MYF5: variants seen among roughly 807,000 people sequenced by gnomAD.
The protein encoded by MYF5 is myogenic factor 5.
MYF5 carries 20 observed loss-of-function variants against 22.3 expected under a neutral mutation model. The ratio of observed to expected loss-of-function variants is 0.90; its 90% CI spans 0.63 to 1.30. MYF5 has a LOEUF of 1.30. Ranked by LOEUF, MYF5 falls within the 50% of genes most tolerant of loss-of-function variation. MYF5 has a pLI of 0.00. For missense variants in MYF5, 348 were observed against 325.9 expected (o/e 1.07, Z -0.52); for synonymous variants, 141 against 128.4 (o/e 1.10, Z -0.66).
At chr12:80,718,838 T>G (rs1423182581) in intron 2 of MYF5, 23 bp from the exon 3 acceptor site, 1 of 1,580,262 alleles carries the variant, frequency 6.3e-7, no homozygotes, top group Non-Finnish European at 8.7e-7. Flanking sequence ...TATTTTTTAA[T>G]GCTTTTCTCC....
At position 80,717,388 on chromosome 12, in the gene MYF5, T is replaced by TTG; in HGVS notation, c.325_326insTG (p.Cys109LeufsTer31). ...CCAGGCTTTCGAAACCCTCAAGAGG[T>TTG]GTACCACGACCAACCCCAACCAGAG... On this transcript the variant is annotated frameshift_variant, in exon 1 of 3. Transcript: ENST00000228644. LOFTEE classifies it high-confidence loss of function. The TTG allele has an allele frequency of 6.2e-7, 1 of 1,613,932 alleles. No homozygotes were observed. The highest frequency in any genetic ancestry group is 8.5e-7 in the Non-Finnish European group (1 of 1,179,968).
chr12:80,717,323 C>A lies in MYF5; in HGVS notation c.260C>A (p.Ala87Glu), dbSNP rs1227600681. Reference sequence around the variant, plus strand: ...TCCACCACCATGGATCGGCGGAAGGCAGCCACTATGCGCGAGCGGAGGCGC... The same window carrying A: ...TCCACCACCATGGATCGGCGGAAGGAAGCCACTATGCGCGAGCGGAGGCGC... The part of the protein sequence containing the change: ...RKSTTMDRRK[A>E]ATMRERRRLK... The change falls in exon 1 of 3, where the codon GCA becomes GAA. Residue 87 changes from alanine to glutamate, a missense_variant. Ala to Glu is a moderately radical substitution (Grantham distance 107, BLOSUM62 -1). Transcript: ENST00000228644. The A allele has an allele frequency of 1.2e-6, 2 of 1,614,164 alleles. No homozygotes were observed. The highest frequency in any genetic ancestry group is 2.7e-5 in the African/African-American group (2 of 75,054).
chr12:80,719,130 C>A lies in MYF5; in HGVS notation c.*79C>A. ...AAGAAGGCTTCAAAAAGTCCCAAAC[C>A]AAGACAACATGTACATAAAGATTTC... On this transcript the variant is annotated 3_prime_UTR_variant, in exon 3 of 3. Transcript: ENST00000228644. 3.4e-6 allele frequency: 4 copies of A among 1,177,728 alleles called. No homozygotes were observed. The highest frequency in any genetic ancestry group is 4.8e-6 in the Non-Finnish European group (4 of 839,798). 73.0% of individuals were successfully genotyped at this position (1,177,728 alleles called of 1,614,324 possible).
In MYF5 at chr12:80,718,344, G is replaced by T. The variant is rs1868657397; in HGVS notation, c.502-14G>T. On this transcript the variant is annotated splice_polypyrimidine_tract_variant and intron_variant, in intron 1 of 2. Transcript: ENST00000228644. ...GACCTGAAAACAAACTTTGTTGTGT[G>T]TCTTGTATTATAGCCCGAATGTAAC... The T allele has an allele frequency of 5.0e-6, 8 of 1,612,724 alleles. No individual in the cohort carries two copies. In the East Asian group the frequency reaches 1.6e-4, roughly 31 times the overall value.
At chr12:80,717,943 C>T (rs1330527710) in intron 1 of MYF5, among the ~76,000 whole-genome samples, 1 of 152,176 alleles carries the variant, frequency 6.6e-6, no homozygotes, top group Non-Finnish European at 1.5e-5. Flanking sequence ...ACCCACACGG[C>T]CCCAGTTCCT....
In MYF5 at chr12:80,717,479, G is replaced by A; in HGVS notation, c.416G>A (p.Arg139Lys). 13 of 1,614,166 alleles carry A rather than the reference G, an allele frequency of 8.1e-6. No individual in the cohort carries two copies. Among genetic ancestry groups the A allele is most frequent in the Non-Finnish European group, 1.1e-5 (13 of 1,180,026 alleles). The change falls in exon 1 of 3, where the codon AGA becomes AAA. Residue 139 changes from arginine to lysine, a missense_variant. Coordinates refer to ENST00000228644, the MANE Select transcript of MYF5 (RefSeq NM_005593.3). ...RYIESLQELL[R>K]EQVENYYSLP... ...ATCGAGAGCCTGCAGGAGTTGCTGA[G>A]AGAGCAGGTGGAGAACTACTATAGC... is the stretch of plus-strand genomic sequence containing the variant.
chr12:80,718,630 C>T (rs974873793), intron 2 of MYF5, among the ~76,000 whole-genome samples, 197 bp downstream of exon 2: 2 of 152,128 alleles, frequency 1.3e-5, no homozygotes, highest in African/African-American at 4.8e-5. Flanking sequence ...CACATGCATA[C>T]ACACATGCAC....
rs1868657663 is a variant in MYF5, at chr12:80,718,350, T to C, written c.502-8T>C. On this transcript the variant is annotated splice_region_variant and splice_polypyrimidine_tract_variant and intron_variant, in intron 1 of 2. Transcript: ENST00000228644. ...AAAACAAACTTTGTTGTGTGTCTTG[T>C]ATTATAGCCCGAATGTAACAGTCCT... 6.2e-7 allele frequency: 1 copy of C among 1,613,338 alleles called. No individual in the cohort carries two copies. Among genetic ancestry groups the C allele is most frequent in the African/African-American group, 1.3e-5 (1 of 74,896 alleles).
chr12:80,718,823 C>A, intron 2 of MYF5, 38 bp from the exon 3 acceptor site: 2 of 1,535,030 alleles, frequency 1.3e-6, no homozygotes, highest in Admixed American at 1.7e-5. Flanking sequence ...CTATCTTGGG[C>A]TAATTATTTT....
rs1166140112 is a variant in MYF5 at position 80,717,535 on chromosome 12, AG to A, written c.473del (p.Ser158ThrfsTer53). ...GGGACAGAGCTGCTCGGAGCCCACC[AG>A]CCCCACCTCCAACTGCTCTGATGGC... is the stretch of plus-strand genomic sequence containing the variant. ...LPGQSCSEPT[S>X]PTSNCSDGMP... On this transcript the variant is annotated frameshift_variant, in exon 1 of 3. Coordinates refer to ENST00000228644, the MANE Select transcript of MYF5 (RefSeq NM_005593.3). LOFTEE classifies it high-confidence loss of function. The A allele has an allele frequency of 6.2e-7, 1 of 1,614,074 alleles. No homozygotes were observed. Among genetic ancestry groups the A allele is most frequent in the South Asian group, 1.1e-5 (1 of 91,078 alleles).
intron 1 of MYF5, 62 bp from the exon 2 acceptor site, chr12:80,718,296 T>G (rs1207858520): frequency 1.5e-6 from 2 of 1,367,420 alleles, no homozygotes; most frequent in Non-Finnish European, 2.1e-6. Context: ...AGCCTCACCT[T>G]TGGTCAGAAC....
rs376874472 is a variant in MYF5 at position 80,717,303 on chromosome 12, C to T, written c.240C>T (p.Thr80=). 7.4e-5 allele frequency: 119 copies of T among 1,613,926 alleles called. No individual in the cohort carries two copies. Among genetic ancestry groups the T allele is most frequent in the East Asian group, 4.7e-4 (21 of 44,862 alleles). The change falls in exon 1 of 3, where the codon ACC becomes ACT. Residue 80 remains threonine (T), a synonymous_variant. Coordinates refer to ENST00000228644, the MANE Select transcript of MYF5 (RefSeq NM_005593.3). ...WACKACKRKS[T]TMDRRKAATM... Reference sequence around the variant, plus strand: ...GCAAAGCCTGCAAGAGGAAGTCCACCACCATGGATCGGCGGAAGGCAGCCA... The same window carrying T: ...GCAAAGCCTGCAAGAGGAAGTCCACTACCATGGATCGGCGGAAGGCAGCCA...
chr12:80,718,399 T>C lies in MYF5; in HGVS notation c.543T>C (p.Thr181=), dbSNP rs1868660201. Residue 181 remains threonine (T), a synonymous_variant, in exon 2 of 3, where the codon ACT becomes ACC. Transcript: ENST00000228644. ...CTGTCTGGTCCAGAAAGAGCAGTAC[T>C]TTTGACAGCATCTACTGTCCTGATG... ...NSPVWSRKSS[T]FDSIYCPDVS... 6.2e-7 allele frequency: 1 copy of C among 1,614,042 alleles called. No individual in the cohort carries two copies. The highest frequency in any genetic ancestry group is 8.5e-7 in the Non-Finnish European group (1 of 1,179,864).
rs970719531 is a variant in MYF5, at chr12:80,717,644, G to T, written c.501+80G>T. The T allele has an allele frequency of 1.7e-5, 26 of 1,505,860 alleles. No homozygotes were observed. In the African/African-American group the frequency reaches 3.6e-4, roughly 21 times the overall value. 93.3% of individuals were successfully genotyped at this position (1,505,860 alleles called of 1,614,324 possible). On this transcript the variant is annotated intron_variant, in intron 1 of 2. Transcript: ENST00000228644. Reference sequence around the variant, plus strand: ...ACACCTCATTTAACCTGGTGTGGTGGGGAGAGTGGGGTGGAGGCAGATGCT... The same window carrying T: ...ACACCTCATTTAACCTGGTGTGGTGTGGAGAGTGGGGTGGAGGCAGATGCT...
Position 80,717,005 on chromosome 12 carries a change from T to C in MYF5, c.-59T>C. 2.0e-6 allele frequency: 3 copies of C among 1,537,684 alleles called. No individual in the cohort carries two copies. Among genetic ancestry groups the C allele is most frequent in the Non-Finnish European group, 2.6e-6 (3 of 1,145,422 alleles). ...TTGCCCATCGGCGGAGGCGCCAGGCTCCCGTTTCTCCCCATCCCTCTCGCT... is the reference window on the plus strand; with the variant it reads ...TTGCCCATCGGCGGAGGCGCCAGGCCCCCGTTTCTCCCCATCCCTCTCGCT... On this transcript the variant is annotated 5_prime_UTR_variant, in exon 1 of 3. Transcript: ENST00000228644.
chr12:80,718,345 T>A lies in MYF5; in HGVS notation c.502-13T>A. The A allele has an allele frequency of 6.2e-7, 1 of 1,612,752 alleles. No individual in the cohort carries two copies. The highest frequency in any genetic ancestry group is 8.5e-7 in the Non-Finnish European group (1 of 1,178,750). On this transcript the variant is annotated splice_polypyrimidine_tract_variant and intron_variant, in intron 1 of 2. Transcript: ENST00000228644. ...ACCTGAAAACAAACTTTGTTGTGTG[T>A]CTTGTATTATAGCCCGAATGTAACA...
At chr12:80,718,821 G>T in intron 2 of MYF5, 40 bp from the exon 3 acceptor site, 1 of 1,525,966 alleles carries the variant, frequency 6.6e-7, no homozygotes, top group Non-Finnish European at 9.0e-7. Context: ...GTCTATCTTG[G>T]GCTAATTATT....
In MYF5 at chr12:80,719,394, C is replaced by G. The variant is rs1868692563; in HGVS notation, c.*343C>G. On this transcript the variant is annotated 3_prime_UTR_variant, in exon 3 of 3. Coordinates refer to ENST00000228644, the MANE Select transcript of MYF5 (RefSeq NM_005593.3). ...ATAAATATTGCTCATCAAAATGTCTCTGGTGTTTAGAGCTTTATTTTTTTC... is the reference window on the plus strand; with the variant it reads ...ATAAATATTGCTCATCAAAATGTCTGTGGTGTTTAGAGCTTTATTTTTTTC... 6.6e-6 allele frequency: 1 copy of G among 151,220 alleles called. No homozygotes were observed. Among genetic ancestry groups the G allele is most frequent in the African/African-American group, 2.4e-5 (1 of 41,074 alleles). The allele number at this position is 151,220 out of a possible 1,614,324, so 9.4% of individuals were successfully genotyped here.
chr12:80,719,049 T>C lies in MYF5; in HGVS notation c.766T>C (p.Ter256ArgextTer14), dbSNP rs1284961146. The change falls in exon 3 of 3, where the codon TGA becomes CGA. Residue 256 changes from the stop codon to arginine (R), a stop_lost. Transcript: ENST00000228644. Reference sequence around the variant, plus strand: ...TTCCAGGCTTATCTATCATGTGCTATGAACTAATTTTCTGGTCTATATGAC... The same window carrying C: ...TTCCAGGCTTATCTATCATGTGCTACGAACTAATTTTCTGGTCTATATGAC... ...SSSRLIYHVL[*>R] 3 of 1,613,378 alleles carry C rather than the reference T, an allele frequency of 1.9e-6. No homozygotes were observed. The Admixed American group carries it at 5.0e-5, about 27-fold the overall frequency.
Sources: allele counts gnomAD v4.1 joint callset (sites outside exome capture counted in the v4.1 genomes callset), GRCh38; gene constraint gnomAD v4.1.1; transcripts MANE v1.5; gene names NCBI Gene and HGNC (gene_info 2026-07-23, HGNC 2026-07-21).